Variants in BCAT2 observed in about 807,000 individuals in gnomAD.
BCAT2 encodes the protein branched-chain-amino-acid aminotransferase, mitochondrial.
BCAT2 carries 44 observed loss-of-function variants against 52.9 expected under a neutral mutation model. The observed-to-expected ratio is 0.83, with a 90% CI of 0.65 to 1.07. The LOEUF (loss-of-function observed/expected upper bound fraction) is 1.07. Among genes scored for constraint, BCAT2 ranks in the 50% least tolerant of loss-of-function variants. The pLI, the probability that BCAT2 is intolerant of heterozygous loss-of-function variation, is 0.00. For missense variants in BCAT2, 478 were observed against 521.8 expected, an observed-to-expected ratio of 0.92 and a Z score of 0.82; for synonymous variants, 215 against 217.1, an observed-to-expected ratio of 0.99 and a Z score of 0.08.
chr19:48,806,223 G>A (rs2034775788), intron 3 of BCAT2, among the ~76,000 whole-genome samples: 1 of 149,784 alleles, frequency 6.7e-6, no homozygotes, highest in African/African-American at 2.5e-5. Context: ...TCTTTCAAGT[G>A]AGGCTGGGGG....
Position 48,795,460 on chromosome 19 carries a change from C to G in BCAT2, c.1145G>C (p.Gly382Ala), listed in dbSNP as rs1233311600. 1.1e-5 allele frequency: 17 copies of G among 1,613,810 alleles called. No homozygotes were observed. The highest frequency in any genetic ancestry group is 1.4e-5 in the Non-Finnish European group (17 of 1,179,944). ...FQKELKEIQY[G>A]IRAHEWMFPV ...GAACATCCACTCGTGGGCTCTGATT[C>G]CGTACTGCGGAACAACGGAGGCAGT... The change falls in exon 11 of 11, where the codon GGA becomes GCA. Residue 382 changes from glycine to alanine, a missense_variant. Transcript: ENST00000316273.
intron 10 of BCAT2, among the ~76,000 whole-genome samples, chr19:48,795,665 T>C (rs2034493565): frequency 6.6e-6 from 1 of 152,102 alleles, no homozygotes; most frequent in Non-Finnish European, 1.5e-5. Context: ...GGAGATGTAG[T>C]TCTGAAGACA....
At chr19:48,810,620 T>C (rs1568513352) in intron 1 of BCAT2, among the ~76,000 whole-genome samples, 1 of 151,974 alleles carries the variant, frequency 6.6e-6, no homozygotes, top group Non-Finnish European at 1.5e-5. Flanking sequence ...TCTGGGCCCC[T>C]TTATTCCAGC....
chr19:48,810,733 T>TC (rs1369269370), intron 1 of BCAT2: 3 of 1,075,284 alleles, frequency 2.8e-6, no homozygotes, highest in Admixed American at 4.3e-5. Context: ...CCACCATGTT[T>TC]CCCTTTTTTT....
Position 48,799,954 on chromosome 19 carries a change from G to C in BCAT2, c.531+27C>G. The C allele has an allele frequency of 2.1e-5, 34 of 1,611,138 alleles. No individual in the cohort carries two copies. The highest frequency in any genetic ancestry group is 2.8e-5 in the Non-Finnish European group (33 of 1,178,038). On this transcript the variant is annotated intron_variant, in intron 5 of 10. Transcript: ENST00000316273. This position sits in a 1 kb window ranked among gnomAD's most constrained non-coding sequence, Gnocchi z 5.5. Reference sequence around the variant, plus strand: ...TGCAGAATCCAACCCCCGCAGCCCAGCTTCCCAGCCCTGGAGTTGGGCCCA... The same window carrying C: ...TGCAGAATCCAACCCCCGCAGCCCACCTTCCCAGCCCTGGAGTTGGGCCCA...
At position 48,795,280 on chromosome 19, in the gene BCAT2, G is replaced by T; in HGVS notation, c.*146C>A. 1 of 1,086,542 alleles carries T rather than the reference G, an allele frequency of 9.2e-7. No individual in the cohort carries two copies. The highest frequency in any genetic ancestry group is 1.3e-6 in the Non-Finnish European group (1 of 743,262). The allele number at this position is 1,086,542 out of a possible 1,614,324, so 67.3% of individuals were successfully genotyped here. On this transcript the variant is annotated 3_prime_UTR_variant, in exon 11 of 11. Transcript: ENST00000316273. The stretch of plus-strand genomic sequence containing the variant: ...CGGCCCTTACGGCTTTGGGAGTGTC[G>T]CAACCACATGGGGGCGCCAGAGACC...
chr19:48,797,100 C>A, intron 7 of BCAT2, 78 bp from the exon 8 acceptor site: 16 of 1,607,424 alleles, frequency 1.0e-5, no homozygotes, highest in Non-Finnish European at 1.4e-5. Flanking sequence ...CCCCTTCCCC[C>A]ATCCCAGAAT....
rs138253411 is a variant in BCAT2 at position 48,796,614 on chromosome 19, C to T, written c.1029G>A (p.Gln343=). 9.3e-6 allele frequency: 15 copies of T among 1,613,620 alleles called. No individual in the cohort carries two copies. In the African/African-American group the frequency reaches 1.3e-4, roughly 14 times the overall value. The change falls in exon 9 of 11, where the codon CAG becomes CAA. Residue 343 remains glutamine (Q), a synonymous_variant. Transcript: ENST00000316273. ...REVFGSGTAC[Q]VCPVHRILYK... ...ACAGGATTCGGTGCACTGGGCAGAC[C>T]TGGCAAGCGGTGCCCGAGCCAAAGA... is the stretch of plus-strand genomic sequence containing the variant.
chr19:48,801,838 C>T (rs903586205), intron 3 of BCAT2, among the ~76,000 whole-genome samples: 5 of 151,812 alleles, frequency 3.3e-5, no homozygotes, highest in African/African-American at 7.3e-5. Flanking sequence ...GGTTTCACCA[C>T]GTTGGCCAGG....
chr19:48,801,136 C>T (rs913540180), intron 3 of BCAT2, among the ~76,000 whole-genome samples: 10 of 151,778 alleles, frequency 6.6e-5, no homozygotes, highest in African/African-American at 2.2e-4. Context: ...TACAGGCGCC[C>T]ACCACCACGC....
chr19:48,797,350 T>C lies in BCAT2; in HGVS notation c.696-17A>G. 1 of 1,613,576 alleles carries C rather than the reference T, an allele frequency of 6.2e-7. No homozygotes were observed. Among genetic ancestry groups the C allele is most frequent in the Non-Finnish European group, 8.5e-7 (1 of 1,179,946 alleles). On this transcript the variant is annotated splice_polypyrimidine_tract_variant and intron_variant, in intron 6 of 10. Coordinates refer to ENST00000316273, the MANE Select transcript of BCAT2 (RefSeq NM_001190.4). ...CCATAATTCCTGGTGGAGGGCAGTC[T>C]GGTTGGGTGGGGCAAGGGAGCCCCA...
chr19:48,798,787 G>T (rs1265639240), intron 6 of BCAT2: 2 of 120,236 alleles, frequency 1.7e-5, no homozygotes, highest in African/African-American at 6.9e-5. Flanking sequence ...ACCAAGCCCG[G>T]CTAATTTTTT....
chr19:48,798,269 C>T (rs1451951874), intron 6 of BCAT2, among the ~76,000 whole-genome samples: 2 of 152,140 alleles, frequency 1.3e-5, no homozygotes, highest in Non-Finnish European at 2.9e-5. Context: ...GGGTGCTGGA[C>T]CTTCCCTGGA....
At chr19:48,808,218 C>T (rs2034836587) in intron 1 of BCAT2, 1 of 985,962 alleles carries the variant, frequency 1.0e-6, no homozygotes, top group East Asian at 1.1e-4. Context: ...CTAGACTGCT[C>T]AGCCTTGCAG....
At chr19:48,804,411 GCGGGCGC>G (rs1286385779) in intron 3 of BCAT2, among the ~76,000 whole-genome samples, 1 of 151,846 alleles carries the variant, frequency 6.6e-6, no homozygotes, top group Non-Finnish European at 1.5e-5. Context: ...GGGTGTGGTG[GCGGGCGC>G]CTGTAATCCC....
chr19:48,797,467 A>C (rs1344561245), intron 6 of BCAT2, 134 bp from the exon 7 acceptor site: 2 of 1,125,372 alleles, frequency 1.8e-6, no homozygotes, highest in Non-Finnish European at 2.5e-6. Flanking sequence ...TTCCCCTGAG[A>C]TGGAATCCTT....
Position 48,806,689 on chromosome 19 carries a change from T to C in BCAT2, c.128A>G (p.Gln43Arg). 1 of 1,613,808 alleles carries C rather than the reference T, an allele frequency of 6.2e-7. No homozygotes were observed. Among genetic ancestry groups the C allele is most frequent in the Non-Finnish European group, 8.5e-7 (1 of 1,180,044 alleles). Reference sequence around the variant, plus strand: ...GGGGCCAGGCTTCTTATGAGGCTTCTGTGTCATTTCCAGCTGCAGGTCTGC... The same window carrying C: ...GGGGCCAGGCTTCTTATGAGGCTTCCGTGTCATTTCCAGCTGCAGGTCTGC... ...KAADLQLEMT[Q>R]KPHKKPGPGE... Residue 43 changes from glutamine (Q) to arginine (R), a missense_variant, in exon 3 of 11, where the codon CAG (glutamine) becomes CGG (arginine). Transcript: ENST00000316273.
At chr19:48,805,374 G>A (rs1385538227) in intron 3 of BCAT2, among the ~76,000 whole-genome samples, 1 of 152,048 alleles carries the variant, frequency 6.6e-6, no homozygotes, top group Non-Finnish European at 1.5e-5. Context: ...CCTCCACATG[G>A]CCTGAGAGGG....
chr19:48,796,270 C>A, intron 10 of BCAT2, 158 bp downstream of exon 10: 1 of 921,336 alleles, frequency 1.1e-6, no homozygotes, highest in South Asian at 1.6e-5. Flanking sequence ...GGCCACAGAG[C>A]AGCACAGAAA....
Sources: allele counts gnomAD v4.1 joint callset (sites outside exome capture counted in the v4.1 genomes callset), GRCh38; gene constraint gnomAD v4.1.1; non-coding constraint Gnocchi (gnomAD v3.1); transcripts MANE v1.5; gene names NCBI Gene and HGNC (gene_info 2026-07-23, HGNC 2026-07-21).